DMD: variants seen among roughly 807,000 people sequenced by gnomAD.
DMD encodes dystrophin, also known as mutant dystrophin.
In DMD, 63 loss-of-function variants were observed where a neutral mutation model predicts 330.1. The ratio of observed to expected loss-of-function variants is 0.19; its 90% confidence interval spans 0.16 to 0.24. The LOEUF (loss-of-function observed/expected upper bound fraction) is 0.24, where lower values mean the gene tolerates loss of function less well. Ranked by LOEUF, DMD falls within the 10% of genes least tolerant of loss-of-function variation. The probability of loss-of-function intolerance (pLI) is 1.00; values close to 1 mark genes in which losing one functional copy is unlikely to be tolerated. For synonymous variants in DMD, 1,223 were observed against 959.8 expected (o/e 1.27, Z -5.07); for missense variants, 3,344 against 2,684.1 (o/e 1.25, Z -5.43).
chrX:32,915,548 G>T (rs768952533), intron 2 of DMD, among the ~76,000 whole-genome samples: 2 of 110,878 alleles, frequency 1.8e-5, no homozygotes, highest in South Asian at 7.6e-4. Context: ...AATGTTAAGC[G>T]AAGGCTAAAT....
chrX:32,855,479 T>A (rs2149049209), intron 2 of DMD, among the ~76,000 whole-genome samples: 1 of 111,676 alleles, frequency 9.0e-6, no homozygotes, highest in African/African-American at 3.3e-5. Flanking sequence ...CATAGACCAA[T>A]GGAACAGAAT....
At chrX:33,030,184 C>G (rs1400891403) in intron 1 of DMD, among the ~76,000 whole-genome samples, 2 of 111,408 alleles carry the variant, frequency 1.8e-5, no homozygotes, top group Non-Finnish European at 3.8e-5. Context: ...TCTTTACTTC[C>G]AAATATATTA....
In DMD at chrX:32,741,799, T is replaced by C. The variant is rs374466476; in HGVS notation, c.650-42506A>G. On this transcript the variant is annotated intron_variant, in intron 7 of 78. Transcript: ENST00000357033. ...TGAGTTGTATACTTTAAACAGATGA[T>C]TGTATGGCATATAAATTATATCTCA... Among the ~76,000 whole-genome samples the C allele has an allele frequency of 2.8e-4, 31 of 111,934 alleles. No individual in the cohort carries two copies. In the East Asian group the frequency reaches 2.8e-3, roughly 10 times the overall value.
intron 2 of DMD, among the ~76,000 whole-genome samples, chrX:32,919,246 T>A (rs189825111): frequency 8.9e-6 from 1 of 111,842 alleles, no homozygotes; most frequent in Admixed American, 9.5e-5. Flanking sequence ...CAGATAGAAT[T>A]GAGAAGACTA....
intron 41 of DMD, 71 bp from the exon 42 acceptor site, chrX:32,310,347 A>G (rs2097557461): frequency 4.6e-6 from 4 of 861,699 alleles, no homozygotes; most frequent in Non-Finnish European, 6.8e-6. Context: ...TTAAGTTTAT[A>G]TAGGTCTCAT....
At chrX:32,669,553 CT>C (rs1206315013) in intron 9 of DMD, among the ~76,000 whole-genome samples, 16 of 111,614 alleles carry the variant, frequency 1.4e-4, no homozygotes, top group Admixed American at 7.6e-4. Context: ...ATTTCATGTA[CT>C]TTTTGGGATT....
intron 67 of DMD, among the ~76,000 whole-genome samples, chrX:31,191,296 C>T (rs1476710295): frequency 1.8e-5 from 2 of 111,028 alleles, no homozygotes; most frequent in Admixed American, 9.6e-5. Flanking sequence ...CATACATATC[C>T]ATAAATAGAA....
chrX:33,185,224 T>A (rs777208286), intron 1 of DMD, among the ~76,000 whole-genome samples: 1 of 111,612 alleles, frequency 9.0e-6, no homozygotes, highest in Non-Finnish European at 1.9e-5. Context: ...ATGGTTATTG[T>A]ATCTCTACAA....
rs190130017 is a variant in DMD, at chrX:31,430,760, G to A, written c.9084+13721C>T. On this transcript the variant is annotated intron_variant, in intron 60 of 78. Transcript: ENST00000357033. ...AATGCCAGACCTAAGAATTGGAATT[G>A]GGGGTCCTGACTTGTTTGAAGCAAG... is the stretch of plus-strand genomic sequence containing the variant. Among the ~76,000 whole-genome samples the A allele has an allele frequency of 1.2e-3, 128 of 106,630 alleles. 1 individual carries two copies. The Middle Eastern group carries it at 0.023, about 19-fold the overall frequency. The allele number at this position is 106,630 out of a possible 115,157, so 92.6% of individuals were successfully genotyped here.
chrX:32,720,050 ATACT>A (rs1435410522), intron 7 of DMD, among the ~76,000 whole-genome samples: 1 of 111,127 alleles, frequency 9.0e-6, no homozygotes, highest in Non-Finnish European at 1.9e-5. Context: ...AATACACAAG[ATACT>A]TACAAGTAAA....
chrX:32,791,844 A>C (rs969077714), intron 7 of DMD, among the ~76,000 whole-genome samples: 1 of 111,944 alleles, frequency 8.9e-6, no homozygotes, highest in Non-Finnish European at 1.9e-5. Flanking sequence ...AAATCTTCCC[A>C]AGTCTAGCAA....
In DMD at chrX:31,568,811, TTTTC is replaced by T. The variant is rs368794344; in HGVS notation, c.8217+58858_8217+58861del. ...TGCCACCTTATTTGGTTTCTGTTTG[TTTTC>T]TTTATTTCTCATTCTTCTCTTTCTT... On this transcript the variant is annotated intron_variant, in intron 55 of 78. Coordinates refer to ENST00000357033, the MANE Select transcript of DMD (RefSeq NM_004006.3). 5.0e-3 allele frequency among the ~76,000 whole-genome samples: 559 copies of T among 111,598 alleles called. 5 individuals are homozygous for T. The highest frequency in any genetic ancestry group is 0.017 in the African/African-American group (524 of 30,892).
chrX:31,188,420 C>T (rs1040033938), intron 67 of DMD, among the ~76,000 whole-genome samples: 3 of 111,953 alleles, frequency 2.7e-5, no homozygotes, highest in South Asian at 3.7e-4. Context: ...AGTATGATGG[C>T]ATTCACTGGA....
intron 1 of DMD, among the ~76,000 whole-genome samples, chrX:33,291,891 C>A (rs1190449498): frequency 8.9e-6 from 1 of 111,832 alleles, no homozygotes; most frequent in Non-Finnish European, 1.9e-5. Context: ...TTTGACCACA[C>A]TTGTATTAGG....
intron 44 of DMD, among the ~76,000 whole-genome samples, chrX:32,138,877 C>T (rs1448913624): frequency 8.9e-6 from 1 of 112,130 alleles, no homozygotes; most frequent in African/African-American, 3.2e-5. Context: ...GGAGTAGATG[C>T]ATTGTCTATA....
intron 17 of DMD, among the ~76,000 whole-genome samples, chrX:32,532,929 G>A (rs1411183979): frequency 8.9e-6 from 1 of 112,094 alleles, no homozygotes; most frequent in Non-Finnish European, 1.9e-5. Context: ...GACAAATATG[G>A]TCTGCCATCT....
intron 4 of DMD, among the ~76,000 whole-genome samples, chrX:32,833,391 T>C (rs184424938): frequency 3.3e-4 from 37 of 110,605 alleles, no homozygotes; most frequent in Non-Finnish European, 6.7e-4. Flanking sequence ...ACAGGTAATC[T>C]GGTTGAACGT....
intron 1 of DMD, among the ~76,000 whole-genome samples, chrX:33,151,932 C>T (rs946163394): frequency 1.8e-5 from 2 of 111,176 alleles, no homozygotes; most frequent in African/African-American, 6.5e-5. Flanking sequence ...CTAGAAGATA[C>T]AATGAGAATA....
At chrX:31,215,857 CTTTCCTGAGACTGAAAAGCTAGAAA>C (rs978095895) in intron 64 of DMD, among the ~76,000 whole-genome samples, 1 of 112,496 alleles carries the variant, frequency 8.9e-6, no homozygotes, top group Non-Finnish European at 1.9e-5. Flanking sequence ...GGTGGGCCTA[CTTTCCTGAGACTGAAAAGCTAGAAA>C]TTGGATATGG....
Sources: allele counts gnomAD v4.1 joint callset (sites outside exome capture counted in the v4.1 genomes callset), GRCh38; gene constraint gnomAD v4.1.1; transcripts MANE v1.5; gene names NCBI Gene and HGNC (gene_info 2026-07-23, HGNC 2026-07-21).